The following RAB38 variants were observed in gnomAD, a reference collection of about 807,000 sequenced individuals.
RAB38 encodes the protein RAB38, member RAS oncogene family.
RAB38 carries 15 observed loss-of-function variants against 18.4 expected under a neutral mutation model. The observed-to-expected ratio is 0.82, with a 90% CI of 0.55 to 1.26. The LOEUF is 1.26. Ranked by LOEUF, RAB38 falls within the 50% of genes most tolerant of loss-of-function variation. The probability of loss-of-function intolerance (pLI) is 0.00; values close to 1 mark genes in which losing one functional copy is unlikely to be tolerated. For missense variants in RAB38, 294 were observed against 267.4 expected, an observed-to-expected ratio of 1.10 and a Z score of -0.69; for synonymous variants, 101 against 104.4, an observed-to-expected ratio of 0.97 and a Z score of 0.20.
At chr11:87,847,644 T>A in the RAB38 span, among the ~76,000 whole-genome samples, 1 of 151,994 alleles carries the variant, frequency 6.6e-6, no homozygotes, top group Admixed American at 6.6e-5. Flanking sequence ...GGTGAGATGG[T>A]GGGAAGGTAC....
chr11:88,019,086 T>A, the RAB38 span, among the ~76,000 whole-genome samples: 1 of 152,034 alleles, frequency 6.6e-6, no homozygotes, highest in Non-Finnish European at 1.5e-5. Context: ...CAATTCATAT[T>A]TTTTTTCCTC....
At chr11:87,960,906 G>T in the RAB38 span, among the ~76,000 whole-genome samples, 1 of 152,084 alleles carries the variant, frequency 6.6e-6, no homozygotes, top group Non-Finnish European at 1.5e-5. Flanking sequence ...AAGATGTCAC[G>T]TGGAGGATGG....
intron 2 of RAB38, among the ~76,000 whole-genome samples, chr11:88,132,560 T>G (rs1027071895): frequency 6.6e-6 from 1 of 152,164 alleles, no homozygotes; most frequent in Non-Finnish European, 1.5e-5. Context: ...CAGGTTCAAG[T>G]GATTCTCCTG....
At chr11:87,846,653 C>T in the RAB38 span, among the ~76,000 whole-genome samples, 1 of 151,902 alleles carries the variant, frequency 6.6e-6, no homozygotes, top group East Asian at 1.9e-4. Context: ...GACAAAAAGT[C>T]AGTAAAGACA....
At chr11:87,889,115 C>T in the RAB38 span, among the ~76,000 whole-genome samples, 9,735 of 151,840 alleles carry the variant, frequency 0.064, 418 homozygotes, top group Admixed American at 0.094. Flanking sequence ...AAAGTATGAC[C>T]TTATGTTTTT....
chr11:87,893,390 A>ATATATATATATATATATATTTTTTT, the RAB38 span, among the ~76,000 whole-genome samples: 8 of 93,912 alleles, frequency 8.5e-5, no homozygotes, highest in African/African-American at 1.9e-4. Context: ...ATATATATAT[A>ATATATATATATATATATATTTTTTT]TTTTTTTTTT....
At chr11:87,930,034 C>A in the RAB38 span, among the ~76,000 whole-genome samples, 1 of 151,958 alleles carries the variant, frequency 6.6e-6, no homozygotes, top group African/African-American at 2.4e-5. Flanking sequence ...TACGTGTGCA[C>A]GTGTCTTTAT....
At chr11:87,951,238 A>T in the RAB38 span, among the ~76,000 whole-genome samples, 11,553 of 151,988 alleles carry the variant, frequency 0.076, 646 homozygotes, top group South Asian at 0.18. Flanking sequence ...CAGCTCCATC[A>T]GGTCCTTTAA....
At chr11:87,809,372 T>A in the RAB38 span, among the ~76,000 whole-genome samples, 1 of 152,212 alleles carries the variant, frequency 6.6e-6, no homozygotes, top group African/African-American at 2.4e-5. Flanking sequence ...AAAAAAGACT[T>A]TCAAATGTGA....
the RAB38 span, among the ~76,000 whole-genome samples, chr11:87,843,948 C>G: frequency 6.6e-6 from 1 of 152,130 alleles, no homozygotes; most frequent in Non-Finnish European, 1.5e-5. Context: ...ACTAGACAAT[C>G]CTGGAGATAC....
the RAB38 span, among the ~76,000 whole-genome samples, chr11:87,860,526 C>T: frequency 7.3e-5 from 11 of 151,580 alleles, no homozygotes; most frequent in African/African-American, 1.5e-4. Context: ...ACTTTCATTG[C>T]GAATACGTTT....
the RAB38 span, among the ~76,000 whole-genome samples, chr11:88,024,928 A>T: frequency 6.6e-6 from 1 of 152,118 alleles, no homozygotes; most frequent in Non-Finnish European, 1.5e-5. Context: ...AGTTAGAAAG[A>T]ATGAATAGAT....
the RAB38 span, among the ~76,000 whole-genome samples, chr11:87,902,382 T>C: frequency 6.6e-6 from 1 of 151,606 alleles, no homozygotes; most frequent in Non-Finnish European, 1.5e-5. Context: ...TTGAATTGTT[T>C]TGGTGCCAAA....
chr11:88,004,817 A>G, the RAB38 span, among the ~76,000 whole-genome samples: 1 of 151,390 alleles, frequency 6.6e-6, no homozygotes, highest in African/African-American at 2.4e-5. Context: ...TAATATATAA[A>G]AATCTATTTC....
At chr11:87,851,305 G>A in the RAB38 span, among the ~76,000 whole-genome samples, 1 of 152,140 alleles carries the variant, frequency 6.6e-6, no homozygotes, top group East Asian at 1.9e-4. Flanking sequence ...AGTATCTTCA[G>A]CATGTGACAT....
At chr11:87,976,113 C>T in the RAB38 span, among the ~76,000 whole-genome samples, 2 of 145,492 alleles carry the variant, frequency 1.4e-5, no homozygotes, top group Middle Eastern at 3.7e-3. Context: ...TATATGTGTG[C>T]GTGTAAATAT....
At chr11:88,035,827 A>T in the RAB38 span, among the ~76,000 whole-genome samples, 1 of 151,998 alleles carries the variant, frequency 6.6e-6, no homozygotes, top group Non-Finnish European at 1.5e-5. Context: ...AGGAGGAAAA[A>T]TAGTGGTGCT....
At chr11:88,095,486 T>C in the RAB38 span, among the ~76,000 whole-genome samples, 1 of 151,928 alleles carries the variant, frequency 6.6e-6, no homozygotes, top group African/African-American at 2.4e-5. Context: ...TCTGTTTTCC[T>C]CCTACTGACT....
chr11:87,976,234 T>C, the RAB38 span, among the ~76,000 whole-genome samples: 1 of 146,330 alleles, frequency 6.8e-6, no homozygotes, highest in African/African-American at 2.5e-5. Context: ...CCTATATATA[T>C]ATACACCTTC....
Sources: gnomAD v4.1 joint callset for allele counts (sites outside exome capture counted in the v4.1 genomes callset) on GRCh38, gnomAD v4.1.1 for gene constraint, MANE v1.5 for transcripts, NCBI Gene and HGNC (gene_info 2026-07-23, HGNC 2026-07-21) for gene names.